PDZRN4: variants seen among roughly 807,000 people sequenced by gnomAD.
The protein encoded by PDZRN4 is PDZ domain containing ring finger 4, also known as PDZ domain-containing RING finger protein 4.
PDZRN4 carries 70 observed loss-of-function variants against 99.0 expected under a neutral mutation model. The observed-to-expected ratio is 0.71, with a 90% CI of 0.58 to 0.86. PDZRN4 has a LOEUF of 0.86. Among genes scored for constraint, PDZRN4 ranks in the 40% least tolerant of loss-of-function variants. The probability of loss-of-function intolerance (pLI) is 0.00; values close to 1 mark genes in which losing one functional copy is unlikely to be tolerated. For missense variants in PDZRN4, 1,474 were observed against 1,331.2 expected (o/e 1.11, Z -1.67); for synonymous variants, 551 against 501.6 (o/e 1.10, Z -1.32).
intron 5 of PDZRN4, among the ~76,000 whole-genome samples, chr12:41,536,562 A>AT (rs1938751516): frequency 6.6e-6 from 1 of 152,148 alleles, no homozygotes; most frequent in Admixed American, 6.5e-5. Flanking sequence ...GTGAACCCTA[A>AT]TATCAACCAT....
chr12:41,534,788 C>T (rs1938722177), intron 5 of PDZRN4, among the ~76,000 whole-genome samples: 1 of 152,116 alleles, frequency 6.6e-6, no homozygotes, highest in African/African-American at 2.4e-5. Flanking sequence ...CATGTATTTA[C>T]TGATCCATAA....
chr12:41,188,882 G>C lies in PDZRN4; in HGVS notation c.427G>C (p.Gly143Arg). The C allele has an allele frequency of 3.6e-6, 4 of 1,109,026 alleles. No individual in the cohort carries two copies. Among genetic ancestry groups the C allele is most frequent in the Non-Finnish European group, 4.4e-6 (4 of 910,532 alleles). The allele number at this position is 1,109,026 out of a possible 1,614,324, so 68.7% of individuals were successfully genotyped here. ...CGPTPRAGRG[G>R]GARGGPPGGR... is the part of the protein sequence containing the mutation. ...TCCGACACCCAGGGCTGGCCGGGGC[G>C]GGGGCGCGCGCGGGGGGCCGCCGGG... Residue 143 changes from glycine (G) to arginine (R), a missense_variant, in exon 1 of 10, where the codon GGG (glycine) becomes CGG (arginine). Gly to Arg is a moderately radical substitution (Grantham distance 125). Coordinates refer to ENST00000402685, the MANE Select transcript of PDZRN4 (RefSeq NM_001164595.2).
chr12:41,290,321 C>A (rs1268403121), intron 3 of PDZRN4, among the ~76,000 whole-genome samples: 3 of 152,038 alleles, frequency 2.0e-5, no homozygotes, highest in African/African-American at 7.2e-5. Flanking sequence ...TTAAAAAATT[C>A]TTTGATTCAA....
At chr12:41,210,314 G>A (rs1323294024) in intron 3 of PDZRN4, among the ~76,000 whole-genome samples, 1 of 151,992 alleles carries the variant, frequency 6.6e-6, no homozygotes, top group African/African-American at 2.4e-5. Context: ...TCACTCTGAT[G>A]GTAGTTTCTT....
At chr12:41,312,975 C>T (rs540511657) in intron 3 of PDZRN4, among the ~76,000 whole-genome samples, 15 of 152,308 alleles carry the variant, frequency 9.8e-5, no homozygotes, top group Admixed American at 4.6e-4. Context: ...GTCCACCAGG[C>T]ATCTCCGTCT....
At chr12:41,238,888 G>A (rs1951086181) in intron 3 of PDZRN4, among the ~76,000 whole-genome samples, 1 of 152,172 alleles carries the variant, frequency 6.6e-6, no homozygotes, top group African/African-American at 2.4e-5. Flanking sequence ...TTCAAACACT[G>A]TGAAAGACAG....
intron 3 of PDZRN4, among the ~76,000 whole-genome samples, chr12:41,342,924 A>G (rs1951827996): frequency 6.6e-6 from 1 of 152,028 alleles, no homozygotes; most frequent in South Asian, 2.1e-4. Context: ...TTATTGTGGC[A>G]CTATCTACAA....
In PDZRN4 at chr12:41,548,993, C is replaced by T. The variant is rs144620488; in HGVS notation, c.1204-3663C>T. On this transcript the variant is annotated intron_variant, in intron 5 of 9. Transcript: ENST00000402685. ...TGATTTTTTTTAAAGAGACTTTAGA[C>T]GCGTCCCCAGAATAGCACGTCTTGA... is the stretch of plus-strand genomic sequence containing the variant. Among the ~76,000 whole-genome samples the T allele has an allele frequency of 2.6e-3, 395 of 152,168 alleles. 3 individuals are homozygous for T. The highest frequency in any genetic ancestry group is 8.1e-3 in the African/African-American group (337 of 41,502).
intron 3 of PDZRN4, among the ~76,000 whole-genome samples, chr12:41,352,278 G>A (rs1031837278): frequency 1.3e-5 from 2 of 152,070 alleles, no homozygotes; most frequent in South Asian, 4.1e-4. Flanking sequence ...AGAGAGAAAA[G>A]GAAGGTGTCA....
intron 3 of PDZRN4, among the ~76,000 whole-genome samples, chr12:41,475,835 T>G (rs1953037651): frequency 6.6e-6 from 1 of 152,248 alleles, no homozygotes; most frequent in South Asian, 2.1e-4. Flanking sequence ...ACTTATCTCC[T>G]TTGCTGTCCT....
chr12:41,243,367 T>C (rs1334988786), intron 3 of PDZRN4, among the ~76,000 whole-genome samples: 1 of 152,192 alleles, frequency 6.6e-6, no homozygotes, highest in African/African-American at 2.4e-5. Flanking sequence ...AATGAATAAT[T>C]ACAATTTAAA....
chr12:41,233,781 A>T (rs1316884600), intron 3 of PDZRN4, among the ~76,000 whole-genome samples: 1 of 151,378 alleles, frequency 6.6e-6, no homozygotes, highest in Non-Finnish European at 1.5e-5. Flanking sequence ...CACACCCAGG[A>T]CTGTTGTGTG....
chr12:41,449,501 G>A (rs1226093239), intron 3 of PDZRN4, among the ~76,000 whole-genome samples: 1 of 152,106 alleles, frequency 6.6e-6, no homozygotes, highest in Non-Finnish European at 1.5e-5. Flanking sequence ...AGCATAATAA[G>A]ATGGGATCCC....
At chr12:41,508,522 G>A (rs968968616) in intron 4 of PDZRN4, among the ~76,000 whole-genome samples, 2 of 152,148 alleles carry the variant, frequency 1.3e-5, no homozygotes, top group Admixed American at 1.3e-4. Context: ...AATGAATAAA[G>A]TGTTCCTCAC....
intron 3 of PDZRN4, chr12:41,411,380 G>A (rs1298870635): frequency 6.6e-6 from 1 of 152,202 alleles, no homozygotes; most frequent in Non-Finnish European, 1.5e-5. Context: ...GCAGTCCCAT[G>A]TGCCACCTTA....
At chr12:41,417,921 C>A (rs1314154483) in intron 3 of PDZRN4, among the ~76,000 whole-genome samples, 1 of 152,150 alleles carries the variant, frequency 6.6e-6, no homozygotes, top group African/African-American at 2.4e-5. Context: ...TGTTAACTCC[C>A]TTGATAGCCA....
chr12:41,500,594 G>A (rs578090962), intron 3 of PDZRN4, among the ~76,000 whole-genome samples: 4 of 151,990 alleles, frequency 2.6e-5, no homozygotes, highest in South Asian at 2.1e-4. Context: ...TTTTTTAAAG[G>A]TCGAAGTTAA....
intron 3 of PDZRN4, among the ~76,000 whole-genome samples, chr12:41,342,381 G>A (rs78910914): frequency 0.064 from 9,778 of 151,784 alleles, 779 homozygotes; most frequent in East Asian, 0.18. Context: ...GCTTTGCACA[G>A]CAAAAGAAAC....
rs559556504 is a variant in PDZRN4, at chr12:41,505,033, G to A, written c.844-1423G>A. ...TAAGCCTGCCTCTACATGACATGAT[G>A]ATTTCTACCTGGCATTGTATCATTT... is the stretch of plus-strand genomic sequence containing the variant. On this transcript the variant is annotated intron_variant, in intron 3 of 9. Transcript: ENST00000402685. 2.6e-5 allele frequency among the ~76,000 whole-genome samples: 4 copies of A among 152,248 alleles called. No individual in the cohort carries two copies. In the East Asian group the frequency reaches 7.7e-4, roughly 29 times the overall value.
Sources: gnomAD v4.1 joint callset for allele counts (sites outside exome capture counted in the v4.1 genomes callset) on GRCh38, gnomAD v4.1.1 for gene constraint, MANE v1.5 for transcripts, NCBI Gene and HGNC (gene_info 2026-07-23, HGNC 2026-07-21) for gene names.